The following RNF38 variants were observed in gnomAD, a reference collection of about 807,000 sequenced individuals.
The protein encoded by RNF38 is ring finger protein 38.
Under a neutral mutation model 67.2 loss-of-function variants are expected in RNF38, and 15 were observed. The observed-to-expected ratio is 0.22, with a 90% CI of 0.15 to 0.34. The LOEUF is 0.34. Among genes scored for constraint, RNF38 ranks in the 10% least tolerant of loss-of-function variants. The pLI is 1.00. For missense variants in RNF38, 524 were observed against 639.9 expected (o/e 0.82, Z 1.95); for synonymous variants, 220 against 218.8 (o/e 1.01, Z -0.05).
intron 1 of RNF38, among the ~76,000 whole-genome samples, chr9:36,399,483 A>G (rs1837819640): frequency 1.2e-5 from 1 of 81,692 alleles, no homozygotes; most frequent in South Asian, 4.0e-4. Context: ...ACCATATTAT[A>G]AATATATATA....
chr9:36,476,519 C>CTTTTTTTTTTTT (rs67780076), intron 1 of RNF38, among the ~76,000 whole-genome samples: 1 of 94,132 alleles, frequency 1.1e-5, no homozygotes, highest in African/African-American at 4.0e-5. Flanking sequence ...ATCGGGCAAT[C>CTTTTTTTTTTTT]TTTTTTTTTT....
chr9:36,402,581 G>A (rs1172022432), upstream of RNF38, among the ~76,000 whole-genome samples: 1 of 152,010 alleles, frequency 6.6e-6, no homozygotes, highest in Non-Finnish European at 1.5e-5. Context: ...TATGTGAAGA[G>A]AGGGGAAAGG....
chr9:36,401,102 C>G (rs1023578075), upstream of RNF38: 1 of 984,990 alleles, frequency 1.0e-6, no homozygotes, highest in African/African-American at 1.8e-5. Context: ...ACAAACCTAG[C>G]GAGCCCAGCG....
intron 1 of RNF38, chr9:36,487,260 G>C: frequency 2.0e-6 from 2 of 980,426 alleles, no homozygotes; most frequent in South Asian, 9.4e-5. Context: ...CCCACCCGCG[G>C]GACCGACCCA....
chr9:36,444,769 CA>C (rs1839264749), intron 1 of RNF38, among the ~76,000 whole-genome samples: 1 of 152,072 alleles, frequency 6.6e-6, no homozygotes, highest in Non-Finnish European at 1.5e-5. Context: ...CACTGCACTC[CA>C]ACCTGGGAGA....
intron 5 of RNF38, among the ~76,000 whole-genome samples, chr9:36,357,255 G>A (rs1031375445): frequency 1.3e-5 from 2 of 152,142 alleles, no homozygotes; most frequent in South Asian, 2.1e-4. Flanking sequence ...CTACGGCACT[G>A]AGCAAGTCAT....
chr9:36,338,225 T>G lies in RNF38; in HGVS notation c.*1527A>C, dbSNP rs931945738. 6.6e-6 allele frequency: 1 copy of G among 152,190 alleles called. No individual in the cohort carries two copies. Among genetic ancestry groups the G allele is most frequent in the South Asian group, 2.1e-4 (1 of 4,830 alleles). The allele number at this position is 152,190 out of a possible 1,614,324, so 9.4% of individuals were successfully genotyped here. A position where few individuals can be genotyped will look rare whatever the true frequency, so the allele number is the denominator to read the frequency against. On this transcript the variant is annotated 3_prime_UTR_variant, in exon 12 of 12. Transcript: ENST00000259605. The stretch of plus-strand genomic sequence containing the variant: ...CTGGAAAAATGACTTTAAAGTGAAT[T>G]ATGCTCAAAGAACTTACTAAAAAAA...
At chr9:36,407,932 G>C (rs1409006778) in intron 2 of RNF38, among the ~76,000 whole-genome samples, 3 of 152,114 alleles carry the variant, frequency 2.0e-5, no homozygotes, top group Admixed American at 6.6e-5. Context: ...GTTGTTCTCA[G>C]TGTTTTGCTA....
chr9:36,354,463 T>C (rs1833942863), intron 6 of RNF38, among the ~76,000 whole-genome samples: 1 of 152,200 alleles, frequency 6.6e-6, no homozygotes, highest in Admixed American at 6.5e-5. Flanking sequence ...GGCCCAGCTT[T>C]CCATTTTTAT....
chr9:36,367,770 T>C (rs1050642754), intron 4 of RNF38, among the ~76,000 whole-genome samples: 3 of 152,250 alleles, frequency 2.0e-5, no homozygotes, highest in African/African-American at 7.2e-5. Context: ...TTTCATAAAA[T>C]ATATTTGGAA....
At chr9:36,382,415 C>A (rs1043702980) in intron 2 of RNF38, among the ~76,000 whole-genome samples, 35 of 151,996 alleles carry the variant, frequency 2.3e-4, no homozygotes, top group African/African-American at 8.2e-4. Context: ...ATTTTTATTA[C>A]CAAAACATCA....
intron 1 of RNF38, among the ~76,000 whole-genome samples, chr9:36,444,915 TTC>T (rs1192054822): frequency 8.2e-6 from 1 of 121,456 alleles, no homozygotes; most frequent in African/African-American, 3.2e-5. Flanking sequence ...TTAAGAGCCA[TTC>T]TCTTTTTTTT....
intron 9 of RNF38, among the ~76,000 whole-genome samples, chr9:36,349,741 TTTATCATTTCAGGTAGTAAG>T (rs914228165): frequency 6.0e-4 from 91 of 152,288 alleles, no homozygotes; most frequent in African/African-American, 2.2e-3. Context: ...TTTCAGCACT[TTTATCATTTCAGGTAGTAAG>T]TTTAGGTCTT....
chr9:36,391,945 G>T (rs532611864), intron 1 of RNF38, among the ~76,000 whole-genome samples: 1 of 152,148 alleles, frequency 6.6e-6, no homozygotes, highest in African/African-American at 2.4e-5. Context: ...TATGCTATAA[G>T]AAAGAAACAA....
At chr9:36,346,246 T>A (rs1833230875) in intron 9 of RNF38, among the ~76,000 whole-genome samples, 1 of 152,130 alleles carries the variant, frequency 6.6e-6, no homozygotes, top group African/African-American at 2.4e-5. Context: ...TGCTTCATCC[T>A]CCAGGCTGAA....
chr9:36,352,919 A>G, intron 7 of RNF38, 71 bp from the exon 8 acceptor site: 5 of 1,121,274 alleles, frequency 4.5e-6, no homozygotes, highest in Non-Finnish European at 6.6e-6. Flanking sequence ...TAAAGTATCT[A>G]ATTAAAAAAA....
intron 1 of RNF38, among the ~76,000 whole-genome samples, chr9:36,446,025 TAAAC>T (rs1336801283): frequency 2.6e-5 from 4 of 152,278 alleles, no homozygotes; most frequent in Non-Finnish European, 4.4e-5. Context: ...TCCCGCCTCT[TAAAC>T]AAAGTTTTGG....
chr9:36,380,080 A>G (rs186183560), intron 2 of RNF38, among the ~76,000 whole-genome samples: 1 of 152,368 alleles, frequency 6.6e-6, no homozygotes, highest in East Asian at 1.9e-4. Context: ...CTGTAGTTAC[A>G]GAACAGAATG....
chr9:36,424,874 G>A (rs1027321473), intron 1 of RNF38, among the ~76,000 whole-genome samples: 1 of 152,170 alleles, frequency 6.6e-6, no homozygotes, highest in African/African-American at 2.4e-5. Context: ...CCACACAAAG[G>A]ACCAGTTAGG....
Sources: allele counts gnomAD v4.1 joint callset (sites outside exome capture counted in the v4.1 genomes callset), GRCh38; gene constraint gnomAD v4.1.1; transcripts MANE v1.5; gene names NCBI Gene and HGNC (gene_info 2026-07-23, HGNC 2026-07-21).